Variants in FTO observed in about 807,000 individuals in gnomAD.
FTO encodes the protein FTO alpha-ketoglutarate dependent dioxygenase.
FTO carries 47 observed loss-of-function variants against 63.9 expected under a neutral mutation model. That is an observed-to-expected ratio of 0.74 (90% CI 0.58 to 0.94). The LOEUF (loss-of-function observed/expected upper bound fraction) is 0.94. FTO is among the 40% of genes least tolerant of loss of function. FTO has a pLI of 0.00. For missense variants in FTO, 562 were observed against 618.1 expected (o/e 0.91, Z 0.96); for synonymous variants, 207 against 224.4 (o/e 0.92, Z 0.69).
At chr16:53,937,878 A>G (rs890595161) in intron 8 of FTO, 1 of 152,254 alleles carries the variant, frequency 6.6e-6, no homozygotes, top group Admixed American at 6.5e-5. Context: ...TAAATAAAAT[A>G]TAATAAAAAT....
chr16:54,014,151 CTCTG>C (rs1394114167), intron 8 of FTO, among the ~76,000 whole-genome samples: 26 of 152,142 alleles, frequency 1.7e-4, no homozygotes, highest in East Asian at 7.7e-4. Context: ...GGTTGAAGCT[CTCTG>C]TCTGTTTTAG....
intron 1 of FTO, among the ~76,000 whole-genome samples, chr16:53,760,550 G>A: frequency 6.8e-6 from 1 of 148,116 alleles, no homozygotes. Context: ...CTGGCTTTAG[G>A]ATTCAGGTTT....
chr16:53,900,608 C>CTTT lies in FTO; in HGVS notation c.1239+11682_1239+11684dup, dbSNP rs752080961. ...CAGTCATTTAATCATTCATCTGCTC[C>CTTT]TTTTTTTTTTTTTTTTTTTTTTTTT... On this transcript the variant is annotated intron_variant, in intron 7 of 8. Transcript: ENST00000471389. Among the ~76,000 whole-genome samples, 311 of 67,190 alleles carry CTTT rather than the reference C, an allele frequency of 4.6e-3. 74 individuals carry two copies. Among genetic ancestry groups the CTTT allele is most frequent in the South Asian group, 0.019 (29 of 1,560 alleles). 44.1% of individuals were successfully genotyped at this position (67,190 alleles called of 152,430 possible). A position where few individuals can be genotyped will look rare whatever the true frequency, so the allele number is the denominator to read the frequency against.
chr16:53,872,638 T>C (rs61662068), intron 4 of FTO, among the ~76,000 whole-genome samples: 2,672 of 152,316 alleles, frequency 0.018, 78 homozygotes, highest in African/African-American at 0.061. Context: ...GGGTAAATCT[T>C]GTCACTGTTA....
chr16:53,797,420 G>A (rs1271103326), intron 1 of FTO, among the ~76,000 whole-genome samples: 2 of 152,194 alleles, frequency 1.3e-5, no homozygotes, highest in Non-Finnish European at 2.9e-5. Flanking sequence ...TGGAGGTTTA[G>A]GGGGAGGCCT....
At chr16:54,020,288 G>C (rs1378492417) in intron 8 of FTO, among the ~76,000 whole-genome samples, 1 of 152,148 alleles carries the variant, frequency 6.6e-6, no homozygotes, top group East Asian at 1.9e-4. Flanking sequence ...GGATATCAAA[G>C]TGATTGTGGA....
At chr16:54,107,054 T>G (rs1344563532) in intron 8 of FTO, among the ~76,000 whole-genome samples, 2 of 147,046 alleles carry the variant, frequency 1.4e-5, no homozygotes, top group Non-Finnish European at 3.0e-5. Flanking sequence ...AAAATACGTA[T>G]ATATAAAATA....
chr16:53,774,696 G>A (rs1019978100), intron 1 of FTO, among the ~76,000 whole-genome samples: 3 of 152,126 alleles, frequency 2.0e-5, no homozygotes, highest in Non-Finnish European at 4.4e-5. Flanking sequence ...CCAGAGAAAT[G>A]GGCTGAAGGT....
chr16:53,739,371 GTTTTT>G (rs57891950), intron 1 of FTO, among the ~76,000 whole-genome samples: 1 of 137,224 alleles, frequency 7.3e-6, no homozygotes, highest in Non-Finnish European at 1.6e-5. Context: ...ACACCTGGCT[GTTTTT>G]TTTTTTTTTT....
At chr16:53,797,906 AG>A in intron 1 of FTO, among the ~76,000 whole-genome samples, 1 of 152,064 alleles carries the variant, frequency 6.6e-6, no homozygotes, top group South Asian at 2.1e-4. Context: ...ATACTAAAAG[AG>A]TTTCGTATGT....
At chr16:53,952,792 A>C (rs766347591) in intron 8 of FTO, among the ~76,000 whole-genome samples, 2 of 152,222 alleles carry the variant, frequency 1.3e-5, no homozygotes, top group Admixed American at 6.5e-5. Flanking sequence ...GACCTAATGC[A>C]CATGTTTGAA....
intron 4 of FTO, among the ~76,000 whole-genome samples, chr16:53,855,216 C>G (rs2079951192): frequency 6.6e-6 from 1 of 152,058 alleles, no homozygotes; most frequent in Admixed American, 6.6e-5. Flanking sequence ...TCTACCTACA[C>G]AATCATATTA....
At chr16:53,935,436 T>C (rs1397630652) in intron 8 of FTO, 1 of 152,258 alleles carries the variant, frequency 6.6e-6, no homozygotes, top group East Asian at 1.9e-4. Context: ...TTTTCAAATA[T>C]GTATTATCTT....
intron 8 of FTO, among the ~76,000 whole-genome samples, chr16:53,977,582 T>C (rs1359734029): frequency 6.6e-6 from 1 of 152,164 alleles, no homozygotes. Flanking sequence ...CCCTCAAATC[T>C]TTGAAGTTTA....
chr16:53,705,604 C>T (rs1341800236), intron 1 of FTO, among the ~76,000 whole-genome samples: 2 of 152,200 alleles, frequency 1.3e-5, no homozygotes, highest in Non-Finnish European at 2.9e-5. Flanking sequence ...AATATAAAAT[C>T]TGCTCTATAT....
At position 53,709,699 on chromosome 16, in the gene FTO, C is replaced by A. The variant is rs553330299; in HGVS notation, c.45+5470C>A. Reference sequence around the variant, plus strand: ...GAGTAGAACCTAGAGCTCTCATAGACCTGTTTGTCCATATTCACAGGTTAA... The same window carrying A: ...GAGTAGAACCTAGAGCTCTCATAGAACTGTTTGTCCATATTCACAGGTTAA... On this transcript the variant is annotated intron_variant, in intron 1 of 8. Coordinates refer to ENST00000471389, the MANE Select transcript of FTO (RefSeq NM_001080432.3). Among the ~76,000 whole-genome samples, 8 of 152,254 alleles carry A rather than the reference C, an allele frequency of 5.3e-5. No homozygotes were observed. In the South Asian group the frequency reaches 1.7e-3, roughly 32 times the overall value.
In FTO at chr16:54,088,812, CA is replaced by C. The variant is rs376192959; in HGVS notation, c.1365-22949del. Among the ~76,000 whole-genome samples, 16 of 152,314 alleles carry C rather than the reference CA, an allele frequency of 1.1e-4. No individual in the cohort carries two copies. The South Asian group carries it at 2.9e-3, about 28-fold the overall frequency. ...CCACTGCACACTGGGAAAATTCATT[CA>C]TTCATAGTAGCGTCCTTCCACACAG... On this transcript the variant is annotated intron_variant, in intron 8 of 8. Transcript: ENST00000471389.
upstream of FTO, chr16:53,703,994 T>G (rs942293249): frequency 7.5e-6 from 5 of 671,036 alleles, no homozygotes; most frequent in South Asian, 3.4e-5. Flanking sequence ...ACCTGGGAAA[T>G]TCTCCTGTGC....
At position 53,763,880 on chromosome 16, in the gene FTO, C is replaced by T. The variant is rs77722067; in HGVS notation, c.46-46260C>T. On this transcript the variant is annotated intron_variant, in intron 1 of 8. Transcript: ENST00000471389. ...GTGTACCCAGTTGAAACAGCAGGGG[C>T]AAGATTTTATTTGTATGTTTATTAT... Among the ~76,000 whole-genome samples the T allele has an allele frequency of 9.8e-4, 149 of 152,234 alleles. No individual in the cohort carries two copies. The East Asian group carries it at 0.025, about 25-fold the overall frequency.
Sources: gnomAD v4.1 joint callset for allele counts (sites outside exome capture counted in the v4.1 genomes callset) on GRCh38, gnomAD v4.1.1 for gene constraint, MANE v1.5 for transcripts, NCBI Gene and HGNC (gene_info 2026-07-23, HGNC 2026-07-21) for gene names.